The following CCSER1 variants were observed in gnomAD, a reference collection of about 807,000 sequenced individuals.
CCSER1 encodes the protein coiled-coil serine rich protein 1.
Under a neutral mutation model 82.0 loss-of-function variants are expected in CCSER1, and 41 were observed. The observed-to-expected ratio is 0.50, with a 90% CI of 0.39 to 0.65. CCSER1 has a LOEUF of 0.65. CCSER1 is among the 30% of genes least tolerant of loss of function. CCSER1 has a pLI of 0.00. For synonymous variants in CCSER1, 414 were observed against 383.9 expected (o/e 1.08, Z -0.92); for missense variants, 1,119 against 1,064.2 (o/e 1.05, Z -0.72).
At chr4:90,242,020 GCATAGGC>G (rs2078627449) in intron 1 of CCSER1, among the ~76,000 whole-genome samples, 1 of 151,978 alleles carries the variant, frequency 6.6e-6, no homozygotes, top group Non-Finnish European at 1.5e-5. Flanking sequence ...AAATAACAAA[GCATAGGC>G]TGGGCGCAGT....
rs571867048 is a variant in CCSER1, at chr4:90,345,571, T to G, written c.1509+32524T>G. Among the ~76,000 whole-genome samples the G allele has an allele frequency of 3.9e-5, 6 of 152,210 alleles. No homozygotes were observed. In the South Asian group the frequency reaches 1.2e-3, roughly 32 times the overall value. The stretch of plus-strand genomic sequence containing the variant: ...TATGAAAACTCTTAAATCAATAGTT[T>G]GTAGTACAGAGAAATAATTACTGCT... On this transcript the variant is annotated intron_variant, in intron 3 of 10. Transcript: ENST00000509176.
intron 10 of CCSER1, among the ~76,000 whole-genome samples, chr4:91,349,858 G>T (rs922963810): frequency 6.6e-6 from 1 of 151,972 alleles, no homozygotes; most frequent in Non-Finnish European, 1.5e-5. Context: ...ACAGTTTAGG[G>T]TTTCCTAACA....
chr4:91,328,706 G>T (rs965016447), intron 10 of CCSER1, among the ~76,000 whole-genome samples: 3 of 152,054 alleles, frequency 2.0e-5, no homozygotes, highest in African/African-American at 7.2e-5. Flanking sequence ...AACACTTTTG[G>T]CACCTGGGAA....
At chr4:90,156,425 CGTT>C (rs1319667056) in intron 1 of CCSER1, among the ~76,000 whole-genome samples, 3 of 152,070 alleles carry the variant, frequency 2.0e-5, no homozygotes, top group African/African-American at 7.2e-5. Flanking sequence ...TCCTGTGTAT[CGTT>C]GTTAACTTTC....
intron 5 of CCSER1, among the ~76,000 whole-genome samples, chr4:90,567,083 C>A (rs143559249): frequency 0.012 from 1,876 of 150,600 alleles, 36 homozygotes; most frequent in African/African-American, 0.04. Flanking sequence ...TGGCTTTCTA[C>A]TTTCCATTTC....
At chr4:90,582,371 C>G (rs2148643417) in intron 5 of CCSER1, among the ~76,000 whole-genome samples, 1 of 152,210 alleles carries the variant, frequency 6.6e-6, no homozygotes, top group Non-Finnish European at 1.5e-5. Flanking sequence ...TAGTCAAGAA[C>G]AAAGGCATAG....
chr4:90,696,778 G>A (rs1200712505), intron 6 of CCSER1, among the ~76,000 whole-genome samples: 1 of 152,044 alleles, frequency 6.6e-6, no homozygotes, highest in African/African-American at 2.4e-5. Flanking sequence ...TTTCACAGAG[G>A]AGAAAACAGC....
intron 9 of CCSER1, among the ~76,000 whole-genome samples, chr4:90,950,438 T>C (rs1452648353): frequency 2.0e-5 from 3 of 152,114 alleles, no homozygotes; most frequent in Non-Finnish European, 2.9e-5. Context: ...AACTGAATTA[T>C]GGTGCTGCAG....
chr4:90,798,114 G>A (rs1013760629), intron 7 of CCSER1, among the ~76,000 whole-genome samples: 1 of 151,288 alleles, frequency 6.6e-6, no homozygotes, highest in African/African-American at 2.5e-5. Flanking sequence ...GTACACCAAA[G>A]AGTTGTAAGT....
In CCSER1 at chr4:91,003,713, C is replaced by A. The variant is rs75298778; in HGVS notation, c.2172+80266C>A. Among the ~76,000 whole-genome samples the A allele has an allele frequency of 2.0e-4, 30 of 152,234 alleles. No homozygotes were observed. The East Asian group carries it at 5.8e-3, about 30-fold the overall frequency. On this transcript the variant is annotated intron_variant, in intron 9 of 10. Transcript: ENST00000509176. ...GTGGAGTCAGCACACTGGATTTGCA[C>A]ACTCCCCCAAGCTCTGGCCAGGAGA...
intron 6 of CCSER1, among the ~76,000 whole-genome samples, chr4:90,713,826 G>A (rs553297001): frequency 6.6e-6 from 1 of 151,808 alleles, no homozygotes; most frequent in Non-Finnish European, 1.5e-5. Context: ...ATTTCTTGGA[G>A]GTTTTGTTCA....
intron 8 of CCSER1, among the ~76,000 whole-genome samples, chr4:90,889,300 G>A (rs1722617506): frequency 6.6e-6 from 1 of 152,090 alleles, no homozygotes; most frequent in Admixed American, 6.6e-5. Context: ...TCTACTGGGT[G>A]TAAGAAATTT....
At chr4:90,983,339 A>AT (rs1305538198) in intron 9 of CCSER1, among the ~76,000 whole-genome samples, 3 of 151,666 alleles carry the variant, frequency 2.0e-5, no homozygotes, top group Non-Finnish European at 4.4e-5. Flanking sequence ...GTCTAATTTA[A>AT]TTTTTTTCTC....
At chr4:91,352,736 G>C (rs759577609) in intron 10 of CCSER1, among the ~76,000 whole-genome samples, 6 of 152,156 alleles carry the variant, frequency 3.9e-5, no homozygotes, top group Non-Finnish European at 7.4e-5. Context: ...GTGGAATGAA[G>C]TTTTAACCAT....
intron 10 of CCSER1, among the ~76,000 whole-genome samples, chr4:91,290,397 A>G (rs191623332): frequency 6.6e-6 from 1 of 152,078 alleles, no homozygotes; most frequent in African/African-American, 2.4e-5. Flanking sequence ...CCATATTCCC[A>G]GTGTTTTTGT....
At chr4:91,071,781 A>C (rs1721465861) in intron 9 of CCSER1, among the ~76,000 whole-genome samples, 1 of 152,180 alleles carries the variant, frequency 6.6e-6, no homozygotes, top group South Asian at 2.1e-4. Context: ...GACATATCAC[A>C]CATTAAGTGC....
At chr4:91,541,237 T>G (rs1440173484) in intron 10 of CCSER1, among the ~76,000 whole-genome samples, 1 of 152,216 alleles carries the variant, frequency 6.6e-6, no homozygotes, top group Non-Finnish European at 1.5e-5. Flanking sequence ...GTTTTTCTTT[T>G]TTAAGTATAC....
chr4:90,977,136 A>G (rs1008235095), intron 9 of CCSER1, among the ~76,000 whole-genome samples: 2 of 151,688 alleles, frequency 1.3e-5, no homozygotes, highest in South Asian at 2.1e-4. Flanking sequence ...TGCTGGAGGT[A>G]AAACAACCAA....
At position 91,441,834 on chromosome 4, in the gene CCSER1, C is replaced by A. The variant is rs1031209452; in HGVS notation, c.2218-156738C>A. On this transcript the variant is annotated intron_variant, in intron 10 of 10. Transcript: ENST00000509176. Reference sequence around the variant, plus strand: ...CATTCTTATACACCAATAACAGACACACAGAGTGCCAAATTATGAGTGAGC... The same window carrying A: ...CATTCTTATACACCAATAACAGACAAACAGAGTGCCAAATTATGAGTGAGC... Among the ~76,000 whole-genome samples, 138 of 100,606 alleles carry A rather than the reference C, an allele frequency of 1.4e-3. 1 individual carries two copies. Among genetic ancestry groups the A allele is most frequent in the African/African-American group, 4.8e-3 (136 of 28,278 alleles). The allele number at this position is 100,606 out of a possible 152,430, so 66.0% of individuals were successfully genotyped here.
Sources: gnomAD v4.1 joint callset for allele counts (sites outside exome capture counted in the v4.1 genomes callset) on GRCh38, gnomAD v4.1.1 for gene constraint, MANE v1.5 for transcripts, NCBI Gene and HGNC (gene_info 2026-07-23, HGNC 2026-07-21) for gene names.